CSMD1: variants seen among roughly 807,000 people sequenced by gnomAD.
The protein encoded by CSMD1 is CUB and sushi domain-containing protein 1.
In CSMD1, 213 loss-of-function variants were observed where a neutral mutation model predicts 417.5. The observed-to-expected ratio is 0.51, with a 90% CI of 0.46 to 0.57. The LOEUF is 0.57. Among genes scored for constraint, CSMD1 ranks in the 20% least tolerant of loss-of-function variants. The probability of loss-of-function intolerance (pLI) is 0.00; values close to 1 mark genes in which losing one functional copy is unlikely to be tolerated. For synonymous variants in CSMD1, 2,862 were observed against 1,736.8 expected (o/e 1.65, Z -16.11); for missense variants, 6,923 against 4,529.7 (o/e 1.53, Z -15.17).
chr8:3,244,555 G>A (rs183412145), intron 26 of CSMD1, among the ~76,000 whole-genome samples: 2 of 152,148 alleles, frequency 1.3e-5, no homozygotes, highest in Non-Finnish European at 2.9e-5. Flanking sequence ...TCTAACCTAG[G>A]TCGCTGCAGA....
chr8:4,588,660 C>T (rs1279838032), intron 2 of CSMD1, among the ~76,000 whole-genome samples: 1 of 151,944 alleles, frequency 6.6e-6, no homozygotes, highest in Non-Finnish European at 1.5e-5. Flanking sequence ...TGGCGGGCGC[C>T]TTTAGTCCCA....
At chr8:4,312,580 T>C (rs1471420558) in intron 3 of CSMD1, among the ~76,000 whole-genome samples, 1 of 151,434 alleles carries the variant, frequency 6.6e-6, no homozygotes, top group Non-Finnish European at 1.5e-5. Flanking sequence ...GAGCAACAGA[T>C]GTATTAAAGT....
chr8:4,082,738 A>G lies in CSMD1; in HGVS notation c.416-50639T>C, dbSNP rs546158452. The stretch of plus-strand genomic sequence containing the variant: ...ATTAACTCGTCATTTAGCATTAGGT[A>G]TATCTCCTGATGCTATCCCTCCCCC... On this transcript the variant is annotated intron_variant, in intron 3 of 69. Transcript: ENST00000635120. 2.7e-4 allele frequency among the ~76,000 whole-genome samples: 40 copies of G among 148,376 alleles called. 1 individual carries two copies. In the Middle Eastern group the frequency reaches 0.01, roughly 39 times the overall value.
intron 10 of CSMD1, among the ~76,000 whole-genome samples, chr8:3,555,257 G>A (rs183201831): frequency 8.2e-4 from 125 of 152,202 alleles, no homozygotes; most frequent in African/African-American, 3.0e-3. Flanking sequence ...ATTTAGCTAG[G>A]AGTCATGAAG....
At chr8:2,989,814 A>G (rs1330955252) in intron 54 of CSMD1, among the ~76,000 whole-genome samples, 1 of 152,244 alleles carries the variant, frequency 6.6e-6, no homozygotes, top group Non-Finnish European at 1.5e-5. Flanking sequence ...TTCTGCAAGA[A>G]CAAGTTTTGT....
chr8:4,257,578 A>T (rs1481950128), intron 3 of CSMD1, among the ~76,000 whole-genome samples: 2 of 152,192 alleles, frequency 1.3e-5, no homozygotes, highest in African/African-American at 4.8e-5. Context: ...GAGATTTATA[A>T]AATTCTCTCC....
At chr8:4,111,595 A>G (rs1230805017) in intron 3 of CSMD1, among the ~76,000 whole-genome samples, 1 of 152,206 alleles carries the variant, frequency 6.6e-6, no homozygotes. Context: ...AAACATAAAA[A>G]GAAATGAAAT....
chr8:4,369,143 G>A (rs575994949), intron 3 of CSMD1, among the ~76,000 whole-genome samples: 1 of 152,004 alleles, frequency 6.6e-6, no homozygotes, highest in African/African-American at 2.4e-5. Context: ...CTGGTATTTT[G>A]TGTCTCCATT....
chr8:4,711,092 A>T (rs1431977243), intron 1 of CSMD1, among the ~76,000 whole-genome samples: 1 of 151,962 alleles, frequency 6.6e-6, no homozygotes, highest in Admixed American at 6.6e-5. Flanking sequence ...AAACAGTCTT[A>T]TGTAAATAGC....
chr8:4,063,532 C>A (rs1178221676), intron 3 of CSMD1, among the ~76,000 whole-genome samples: 1 of 152,080 alleles, frequency 6.6e-6, no homozygotes, highest in East Asian at 1.9e-4. Flanking sequence ...AGTTTTAATA[C>A]CAAGAAAAAT....
At chr8:4,740,207 C>T (rs1387146567) in intron 1 of CSMD1, among the ~76,000 whole-genome samples, 2 of 152,070 alleles carry the variant, frequency 1.3e-5, no homozygotes, top group Non-Finnish European at 2.9e-5. Flanking sequence ...TGTTTTCACC[C>T]CAGGAACAAG....
chr8:3,824,290 T>C (rs1376155383), intron 5 of CSMD1, among the ~76,000 whole-genome samples: 1 of 150,510 alleles, frequency 6.6e-6, no homozygotes, highest in Non-Finnish European at 1.5e-5. Context: ...CTTAATTCGA[T>C]GTTAACAAAC....
chr8:3,451,095 T>A (rs941073026), intron 12 of CSMD1, among the ~76,000 whole-genome samples: 1 of 152,254 alleles, frequency 6.6e-6, no homozygotes, highest in Non-Finnish European at 1.5e-5. Flanking sequence ...ACGTCTCTTT[T>A]GGCTGCATAA....
chr8:4,017,171 T>G (rs577683695), intron 4 of CSMD1, among the ~76,000 whole-genome samples: 5 of 152,258 alleles, frequency 3.3e-5, no homozygotes, highest in African/African-American at 4.8e-5. Flanking sequence ...TTTGTGTATG[T>G]TGAAGCTTCC....
chr8:4,772,874 T>G (rs778179530), intron 1 of CSMD1, among the ~76,000 whole-genome samples: 1 of 152,312 alleles, frequency 6.6e-6, no homozygotes, highest in South Asian at 2.1e-4. Context: ...AATGTGGATT[T>G]AATCCTGTTA....
chr8:4,418,279 T>A (rs999130804), intron 3 of CSMD1, among the ~76,000 whole-genome samples: 1 of 152,168 alleles, frequency 6.6e-6, no homozygotes. Flanking sequence ...CCTATTCCAT[T>A]TTCTAGAAAG....
intron 3 of CSMD1, among the ~76,000 whole-genome samples, chr8:4,221,356 C>A (rs1269426339): frequency 6.8e-6 from 1 of 147,110 alleles, no homozygotes; most frequent in Non-Finnish European, 1.5e-5. Flanking sequence ...CACAAAGAAG[C>A]CCATCTCTAC....
At chr8:4,227,155 G>A (rs937471930) in intron 3 of CSMD1, among the ~76,000 whole-genome samples, 4 of 152,134 alleles carry the variant, frequency 2.6e-5, no homozygotes, top group African/African-American at 9.7e-5. Context: ...AAAGCACTCA[G>A]GCTGCCTCTT....
chr8:3,837,104 T>C (rs375687684), intron 5 of CSMD1, among the ~76,000 whole-genome samples: 8 of 151,716 alleles, frequency 5.3e-5, no homozygotes, highest in African/African-American at 1.9e-4. Context: ...ATTGAGTAGA[T>C]TACCATTCAG....
Sources: gnomAD v4.1 joint callset for allele counts (sites outside exome capture counted in the v4.1 genomes callset) on GRCh38, gnomAD v4.1.1 for gene constraint, MANE v1.5 for transcripts, NCBI Gene and HGNC (gene_info 2026-07-23, HGNC 2026-07-21) for gene names.